DOCK1: variants seen among roughly 807,000 people sequenced by gnomAD.
DOCK1 encodes dedicator of cytokinesis protein 1.
A neutral mutation model predicts 262.7 loss-of-function variants in DOCK1; 138 were observed. That is an observed-to-expected ratio of 0.53 (90% CI 0.46 to 0.61). The LOEUF (loss-of-function observed/expected upper bound fraction) is 0.61. Ranked by LOEUF, DOCK1 falls within the 20% of genes least tolerant of loss-of-function variation. DOCK1 has a pLI of 0.00. For missense variants in DOCK1, 1,908 were observed against 2,370.7 expected (o/e 0.80, Z 4.05); for synonymous variants, 866 against 867.4 (o/e 1.00, Z 0.03).
At chr10:127,333,208 C>T (rs1344150981) in intron 29 of DOCK1, among the ~76,000 whole-genome samples, 1 of 152,178 alleles carries the variant, frequency 6.6e-6, no homozygotes, top group Non-Finnish European at 1.5e-5. Context: ...TTGAAGTGTA[C>T]AAGCTAATTA....
At chr10:127,169,027 T>C (rs2054327563) in intron 27 of DOCK1, among the ~76,000 whole-genome samples, 1 of 152,182 alleles carries the variant, frequency 6.6e-6, no homozygotes, top group Non-Finnish European at 1.5e-5. Context: ...AGCAAGTATA[T>C]CATTTCTACC....
chr10:126,934,403 G>T (rs1275726150), intron 1 of DOCK1, among the ~76,000 whole-genome samples: 1 of 152,232 alleles, frequency 6.6e-6, no homozygotes, highest in Non-Finnish European at 1.5e-5. Flanking sequence ...CACCACTGGG[G>T]CTCTGTTGCA....
chr10:127,041,463 A>G (rs768821421), intron 19 of DOCK1, among the ~76,000 whole-genome samples: 1 of 152,172 alleles, frequency 6.6e-6, no homozygotes, highest in African/African-American at 2.4e-5. Context: ...TTGTCTTTCC[A>G]TTCATTAGTT....
chr10:127,192,293 A>G (rs2134115743), intron 27 of DOCK1, among the ~76,000 whole-genome samples: 1 of 152,322 alleles, frequency 6.6e-6, no homozygotes, highest in African/African-American at 2.4e-5. Flanking sequence ...AGTTATTTCC[A>G]AATCCCTTTG....
At chr10:127,147,088 G>C (rs1369320307) in intron 27 of DOCK1, among the ~76,000 whole-genome samples, 1 of 152,158 alleles carries the variant, frequency 6.6e-6, no homozygotes, top group Non-Finnish European at 1.5e-5. Flanking sequence ...TCACTTTTGT[G>C]AATTCTTCAT....
intron 40 of DOCK1, among the ~76,000 whole-genome samples, chr10:127,408,787 A>T (rs1449229540): frequency 6.6e-6 from 1 of 152,238 alleles, no homozygotes; most frequent in Non-Finnish European, 1.5e-5. Flanking sequence ...AGATGAAAAC[A>T]TATCACAGAT....
At chr10:127,223,418 A>G (rs2058514773) in intron 27 of DOCK1, among the ~76,000 whole-genome samples, 1 of 152,190 alleles carries the variant, frequency 6.6e-6, no homozygotes, top group South Asian at 2.1e-4. Context: ...CTTACTTAGT[A>G]GAATGTTAAT....
intron 22 of DOCK1, among the ~76,000 whole-genome samples, chr10:127,054,465 A>C (rs1376575294): frequency 6.6e-6 from 1 of 152,196 alleles, no homozygotes; most frequent in Non-Finnish European, 1.5e-5. Context: ...TATTATGGAT[A>C]TGCATGACCT....
In DOCK1 at chr10:126,905,543, G is replaced by T; in HGVS notation, c.26G>T (p.Arg9Leu). MTRWVPTK[R>L]EEKYGVAFYN... ...ATGACGCGCTGGGTGCCCACCAAGC[G>T]CGAGGAGAAGTACGGCGTGGGTGAG... The change falls in exon 1 of 52, where the codon CGC (arginine) becomes CTC (leucine). Residue 9 changes from arginine to leucine, a missense_variant. Around this residue, in one of 9 missense-constraint regions of DOCK1, gnomAD observed 227 missense variants for 254.1 expected, o/e 0.89. Transcript: ENST00000623213. The T allele has an allele frequency of 2.0e-6, 1 of 507,606 alleles. No individual in the cohort carries two copies. Among genetic ancestry groups the T allele is most frequent in the Admixed American group, 3.1e-5 (1 of 31,846 alleles). 31.4% of individuals were successfully genotyped at this position (507,606 alleles called of 1,614,324 possible).
chr10:127,411,230 C>A (rs2067828391), intron 43 of DOCK1, among the ~76,000 whole-genome samples: 1 of 152,108 alleles, frequency 6.6e-6, no homozygotes, highest in African/African-American at 2.4e-5. Context: ...AGAGCAGGTG[C>A]CTGTCATCTC....
intron 32 of DOCK1, among the ~76,000 whole-genome samples, chr10:127,359,091 A>G (rs1335935532): frequency 6.6e-6 from 1 of 152,070 alleles, no homozygotes; most frequent in Non-Finnish European, 1.5e-5. Flanking sequence ...ACCTGAGTTC[A>G]TCATTAAATT....
intron 28 of DOCK1, among the ~76,000 whole-genome samples, chr10:127,250,820 A>AAAAAAAG (rs1564934987): frequency 2.3e-5 from 3 of 133,140 alleles, no homozygotes; most frequent in Non-Finnish European, 4.8e-5. Context: ...AAAAAAAAAA[A>AAAAAAAG]AATGACGTTT....
chr10:127,367,854 T>G (rs547258607), intron 33 of DOCK1, among the ~76,000 whole-genome samples: 65 of 152,246 alleles, frequency 4.3e-4, no homozygotes, highest in African/African-American at 1.4e-3. Context: ...CTGTGGGGTT[T>G]CTTTTCCTCC....
chr10:126,962,899 T>G (rs2134560900), intron 1 of DOCK1, among the ~76,000 whole-genome samples: 1 of 152,336 alleles, frequency 6.6e-6, no homozygotes, highest in African/African-American at 2.4e-5. Context: ...TTGAGTTAAT[T>G]TTTGTGAATG....
intron 1 of DOCK1, among the ~76,000 whole-genome samples, chr10:126,929,937 A>C (rs2034060943): frequency 6.6e-6 from 1 of 152,192 alleles, no homozygotes; most frequent in Admixed American, 6.5e-5. Flanking sequence ...TCCAAAGGAA[A>C]GCCATGTACC....
chr10:127,441,395 A>G (rs554951220), intron 49 of DOCK1, among the ~76,000 whole-genome samples: 78 of 152,324 alleles, frequency 5.1e-4, no homozygotes, highest in Middle Eastern at 3.4e-3. Context: ...GGTGCTTCTC[A>G]GCATCTGGCC....
chr10:127,331,835 C>T (rs2062995718), intron 29 of DOCK1, among the ~76,000 whole-genome samples: 1 of 152,174 alleles, frequency 6.6e-6, no homozygotes, highest in Non-Finnish European at 1.5e-5. Flanking sequence ...CATCCCAAAG[C>T]CTCCATTTCC....
intron 7 of DOCK1, 123 bp downstream of exon 7, chr10:126,997,006 G>A (rs2040245425): frequency 8.8e-7 from 1 of 1,140,948 alleles, no homozygotes; most frequent in Non-Finnish European, 1.2e-6. Flanking sequence ...TAGCTGCAGA[G>A]TTTGTGTCCT....
At chr10:126,965,709 T>A (rs1476496017) in intron 1 of DOCK1, among the ~76,000 whole-genome samples, 4 of 152,178 alleles carry the variant, frequency 2.6e-5, no homozygotes, top group African/African-American at 9.7e-5. Flanking sequence ...TTTTTTTTGC[T>A]TTTCCCTGAA....
Sources: gnomAD v4.1 joint callset for allele counts (sites outside exome capture counted in the v4.1 genomes callset) on GRCh38, gnomAD v4.1.1 for gene constraint, gnomAD v4.1.1 regional missense constraint, MANE v1.5 for transcripts, NCBI Gene and HGNC (gene_info 2026-07-23, HGNC 2026-07-21) for gene names.